The following ETV6 variants were observed in gnomAD, a reference collection of about 807,000 sequenced individuals.
ETV6 encodes the protein ETS variant transcription factor 6.
A neutral mutation model predicts 51.1 loss-of-function variants in ETV6; 16 were observed. The ratio of observed to expected loss-of-function variants is 0.31; its 90% CI spans 0.21 to 0.48. The LOEUF is 0.48. Ranked by LOEUF, ETV6 falls within the 20% of genes least tolerant of loss-of-function variation. The pLI is 0.99. For synonymous variants in ETV6, 240 were observed against 224.1 expected, an observed-to-expected ratio of 1.07 and a Z score of -0.64; for missense variants, 458 against 594.8, an observed-to-expected ratio of 0.77 and a Z score of 2.39.
At chr12:11,794,000 G>A (rs979006911) in intron 2 of ETV6, among the ~76,000 whole-genome samples, 4 of 152,112 alleles carry the variant, frequency 2.6e-5, no homozygotes, top group African/African-American at 4.8e-5. Context: ...TCTGGAAGGC[G>A]TCTTGTACTC....
chr12:11,794,743 G>GA (rs1945652421), intron 2 of ETV6, among the ~76,000 whole-genome samples: 1 of 152,196 alleles, frequency 6.6e-6, no homozygotes, highest in South Asian at 2.1e-4. Flanking sequence ...TTTGGCAGGA[G>GA]AAAACCATTA....
At chr12:11,688,259 G>A (rs1864675454) in intron 1 of ETV6, among the ~76,000 whole-genome samples, 1 of 152,206 alleles carries the variant, frequency 6.6e-6, no homozygotes, top group Non-Finnish European at 1.5e-5. Context: ...AAGGTACAAT[G>A]TTGGGGCATG....
At chr12:11,660,343 G>A (rs112859621) in intron 1 of ETV6, among the ~76,000 whole-genome samples, 14,179 of 151,688 alleles carry the variant, frequency 0.093, 2,218 homozygotes, top group African/African-American at 0.32. Context: ...GGTGGCTCAC[G>A]CCTGTAATCC....
At chr12:11,692,765 TATG>T (rs1002860241) in intron 1 of ETV6, among the ~76,000 whole-genome samples, 3 of 152,068 alleles carry the variant, frequency 2.0e-5, no homozygotes, top group African/African-American at 7.2e-5. Flanking sequence ...TAGAATGCGT[TATG>T]AGGCCAGGCG....
intron 2 of ETV6, among the ~76,000 whole-genome samples, chr12:11,789,242 C>T (rs1047631034): frequency 1.2e-4 from 19 of 152,112 alleles, no homozygotes; most frequent in Non-Finnish European, 2.5e-4. Context: ...CCATGTTGGC[C>T]AGGCTAGTCT....
intron 2 of ETV6, among the ~76,000 whole-genome samples, chr12:11,781,936 G>A (rs1945420653): frequency 6.6e-6 from 1 of 152,132 alleles, no homozygotes. Context: ...CTGCCTTCCA[G>A]GTAGGCATAG....
At chr12:11,774,663 C>T (rs142131018) in intron 2 of ETV6, among the ~76,000 whole-genome samples, 2 of 152,342 alleles carry the variant, frequency 1.3e-5, no homozygotes, top group Admixed American at 6.5e-5. Flanking sequence ...AACTCATAGT[C>T]TGTCTGAAGT....
intron 1 of ETV6, among the ~76,000 whole-genome samples, chr12:11,679,755 T>A (rs1347654007): frequency 2.0e-5 from 3 of 152,238 alleles, no homozygotes; most frequent in Non-Finnish European, 4.4e-5. Context: ...ATAGACCATG[T>A]ATCAGAGGTG....
In ETV6 at chr12:11,852,256, TATATC is replaced by T. The variant is rs1026519804; in HGVS notation, c.329-1169_329-1165del. Among the ~76,000 whole-genome samples the T allele has an allele frequency of 4.6e-5, 7 of 152,216 alleles. No homozygotes were observed. The East Asian group carries it at 9.6e-4, about 21-fold the overall frequency. ...ACTCGTGGACACTTCAAATACCAAA[TATATC>T]AGAACAGAAAGGCACCTGCTCAACC... On this transcript the variant is annotated intron_variant, in intron 3 of 7. Coordinates refer to ENST00000396373, the MANE Select transcript of ETV6 (RefSeq NM_001987.5).
intron 3 of ETV6, among the ~76,000 whole-genome samples, chr12:11,844,602 C>T (rs1424062634): frequency 1.3e-5 from 2 of 152,084 alleles, no homozygotes; most frequent in African/African-American, 4.8e-5. Context: ...GATTGAAGGG[C>T]TGTGTCAACT....
At chr12:11,730,453 G>A (rs1190006265) in intron 1 of ETV6, among the ~76,000 whole-genome samples, 1 of 152,248 alleles carries the variant, frequency 6.6e-6, no homozygotes, top group Admixed American at 6.5e-5. Context: ...GCACAAAGGT[G>A]CAAGTCACCA....
At chr12:11,747,127 T>TA (rs1865923564) in intron 1 of ETV6, among the ~76,000 whole-genome samples, 1 of 152,202 alleles carries the variant, frequency 6.6e-6, no homozygotes, top group Non-Finnish European at 1.5e-5. Flanking sequence ...GTGGGCCATC[T>TA]GGGTAACCTA....
chr12:11,760,284 G>C (rs1180066407), intron 2 of ETV6, among the ~76,000 whole-genome samples: 1 of 152,184 alleles, frequency 6.6e-6, no homozygotes, highest in Non-Finnish European at 1.5e-5. Flanking sequence ...GCAGATCATG[G>C]ATACCAGTAG....
At chr12:11,834,374 T>C (rs1946285307) in intron 2 of ETV6, among the ~76,000 whole-genome samples, 1 of 152,210 alleles carries the variant, frequency 6.6e-6, no homozygotes, top group South Asian at 2.1e-4. Flanking sequence ...AGCAAATTCC[T>C]GTTTATACAG....
At position 11,894,638 on chromosome 12, in the gene ETV6, G is replaced by A. The variant is rs571653409; in HGVS notation, c.*3592G>A. 176 of 233,272 alleles carry A rather than the reference G, an allele frequency of 7.5e-4. No individual in the cohort carries two copies. Among genetic ancestry groups the A allele is most frequent in the African/African-American group, 3.7e-3 (168 of 45,474 alleles). 14.5% of individuals were successfully genotyped at this position (233,272 alleles called of 1,614,324 possible). A position where few individuals can be genotyped will look rare whatever the true frequency, so the allele number is the denominator to read the frequency against. On this transcript the variant is annotated 3_prime_UTR_variant, in exon 8 of 8. Transcript: ENST00000396373. Reference sequence around the variant, plus strand: ...CTTTAGCTGAAATTCAAATGGCTGTGACAATTTACCGAAATGATGAAGTAA... The same window carrying A: ...CTTTAGCTGAAATTCAAATGGCTGTAACAATTTACCGAAATGATGAAGTAA...
At chr12:11,650,261 T>G (rs919836337) in intron 1 of ETV6, 101 bp downstream of exon 1, 2 of 1,029,168 alleles carry the variant, frequency 1.9e-6, no homozygotes, top group Non-Finnish European at 3.1e-6. Flanking sequence ...GCAGTTGCTC[T>G]GTTCGCAGGA....
chr12:11,756,314 C>T (rs996810759), intron 2 of ETV6, among the ~76,000 whole-genome samples: 1 of 152,150 alleles, frequency 6.6e-6, no homozygotes, highest in African/African-American at 2.4e-5. Context: ...AGTCCTACAG[C>T]AGAACCCCTC....
intron 1 of ETV6, among the ~76,000 whole-genome samples, chr12:11,700,141 C>T (rs758757061): frequency 3.3e-5 from 5 of 152,178 alleles, no homozygotes; most frequent in South Asian, 2.1e-4. Context: ...TTGACTGAAT[C>T]GAGTGAAAGG....
intron 5 of ETV6, among the ~76,000 whole-genome samples, chr12:11,879,546 CA>C (rs1234904638): frequency 2.0e-5 from 3 of 152,138 alleles, no homozygotes; most frequent in Non-Finnish European, 2.9e-5. Flanking sequence ...GGATTTTTTA[CA>C]ATGCCTTTAG....
Sources: allele counts gnomAD v4.1 joint callset (sites outside exome capture counted in the v4.1 genomes callset), GRCh38; gene constraint gnomAD v4.1.1; transcripts MANE v1.5; gene names NCBI Gene and HGNC (gene_info 2026-07-23, HGNC 2026-07-21).